Variants in RGS18 observed in about 807,000 individuals in gnomAD.
RGS18 encodes regulator of G protein signaling 18, also known as regulator of G-protein signaling 18.
A neutral mutation model predicts 27.6 loss-of-function variants in RGS18; 22 were observed. That is an observed-to-expected ratio of 0.80 (90% CI 0.57 to 1.14). The LOEUF is 1.14. Ranked by LOEUF, RGS18 falls within the 50% of genes most tolerant of loss-of-function variation. The pLI is 0.00. For synonymous variants in RGS18, 89 were observed against 84.6 expected (o/e 1.05, Z -0.29); for missense variants, 299 against 269.6 (o/e 1.11, Z -0.76).
At position 192,161,560 on chromosome 1, in the gene RGS18, CA is replaced by C. The variant is rs1490790763; in HGVS notation, c.283+1124del. On this transcript the variant is annotated intron_variant, in intron 3 of 4. Coordinates refer to ENST00000367460, the MANE Select transcript of RGS18 (RefSeq NM_130782.3). ...AAAAAAAGCAATGCTTTATCATTAC[CA>C]AACATCCACCTCAAGCCCACAGCTT... 10 of 151,952 alleles carry C rather than the reference CA, an allele frequency of 6.6e-5. 1 individual carries two copies. The highest frequency in any genetic ancestry group is 6.5e-4 in the Admixed American group (10 of 15,274). 9.4% of individuals were successfully genotyped at this position (151,952 alleles called of 1,614,324 possible). A position where few individuals can be genotyped will look rare whatever the true frequency, so the allele number is the denominator to read the frequency against.
At chr1:192,176,169 T>G (rs1656355075) in intron 3 of RGS18, among the ~76,000 whole-genome samples, 1 of 151,892 alleles carries the variant, frequency 6.6e-6, no homozygotes, top group Non-Finnish European at 1.5e-5. Flanking sequence ...GATGTTGCAT[T>G]GTCAGCACAT....
At chr1:192,180,965 C>T (rs1423181357) in intron 3 of RGS18, among the ~76,000 whole-genome samples, 1 of 151,584 alleles carries the variant, frequency 6.6e-6, no homozygotes, top group Non-Finnish European at 1.5e-5. Context: ...TGTGGAATCA[C>T]CCCTCACACT....
At chr1:192,170,492 C>A (rs1213751074) in intron 3 of RGS18, among the ~76,000 whole-genome samples, 1 of 151,994 alleles carries the variant, frequency 6.6e-6, no homozygotes, top group Non-Finnish European at 1.5e-5. Context: ...GAGGCCTCAT[C>A]AGAAGCAGAG....
chr1:192,160,926 C>T (rs1276480646), intron 3 of RGS18, among the ~76,000 whole-genome samples: 2 of 152,184 alleles, frequency 1.3e-5, no homozygotes, highest in Non-Finnish European at 2.9e-5. Context: ...CATCTCGGCT[C>T]ACTGCAAGCT....
Position 192,159,114 on chromosome 1 carries a change from A to G in RGS18, c.120-106A>G. On this transcript the variant is annotated intron_variant, in intron 1 of 4. Transcript: ENST00000367460. ...AAATGGGATTCATGAGTGTGTGGGT[A>G]TGGGTGGGCGTGGGTTTTTACCAAC... 6 of 688,432 alleles carry G rather than the reference A, an allele frequency of 8.7e-6. No homozygotes were observed. In the South Asian group the frequency reaches 1.0e-4, roughly 12 times the overall value. The allele number at this position is 688,432 out of a possible 1,614,324, so 42.6% of individuals were successfully genotyped here. A position where few individuals can be genotyped will look rare whatever the true frequency, so the allele number is the denominator to read the frequency against.
In RGS18 at chr1:192,167,541, T is replaced by A. The variant is rs184676726; in HGVS notation, c.283+7102T>A. On this transcript the variant is annotated intron_variant, in intron 3 of 4. Coordinates refer to ENST00000367460, the MANE Select transcript of RGS18 (RefSeq NM_130782.3). ...TTCAAGCGATTCTCCTGCCTCAGCC[T>A]CCCAAGTAGCTGGGATTTCAGAAGC... Among the ~76,000 whole-genome samples the A allele has an allele frequency of 1.5e-3, 223 of 152,116 alleles. 1 individual carries two copies. Among genetic ancestry groups the A allele is most frequent in the African/African-American group, 5.2e-3 (214 of 41,502 alleles).
Position 192,160,375 on chromosome 1 carries a change from C to A in RGS18, c.222-3C>A. On this transcript the variant is annotated splice_region_variant and splice_polypyrimidine_tract_variant and intron_variant, in intron 2 of 4. Coordinates refer to ENST00000367460, the MANE Select transcript of RGS18 (RefSeq NM_130782.3). ...ATTATAAAACATTTTGTTTCTTGTACAGAGTCTCCCCTGAAGAGGCAGTGA... is the reference window on the plus strand; with the variant it reads ...ATTATAAAACATTTTGTTTCTTGTAAAGAGTCTCCCCTGAAGAGGCAGTGA... 6.2e-7 allele frequency: 1 copy of A among 1,606,806 alleles called. No individual in the cohort carries two copies. Among genetic ancestry groups the A allele is most frequent in the Non-Finnish European group, 8.5e-7 (1 of 1,173,848 alleles).
At chr1:192,161,036 G>A (rs774871757) in intron 3 of RGS18, among the ~76,000 whole-genome samples, 4 of 152,100 alleles carry the variant, frequency 2.6e-5, no homozygotes, top group Non-Finnish European at 5.9e-5. Context: ...ATTTTTAGTA[G>A]AGACAGGGTT....
chr1:192,169,891 T>G (rs1656226932), intron 3 of RGS18: 1 of 152,200 alleles, frequency 6.6e-6, no homozygotes, highest in African/African-American at 2.4e-5. Flanking sequence ...GGACTGCTTT[T>G]TAGAGTTAAG....
At chr1:192,165,152 G>A (rs1159575252) in intron 3 of RGS18, among the ~76,000 whole-genome samples, 3 of 152,136 alleles carry the variant, frequency 2.0e-5, no homozygotes, top group Non-Finnish European at 4.4e-5. Flanking sequence ...TAAAATGGCC[G>A]CTCTGGGAGT....
At chr1:192,165,617 C>G (rs774124283) in intron 3 of RGS18, among the ~76,000 whole-genome samples, 1 of 152,162 alleles carries the variant, frequency 6.6e-6, no homozygotes, top group African/African-American at 2.4e-5. Context: ...CTGGCCGACA[C>G]TTAGGGAAAA....
rs948053258 is a variant in RGS18 at position 192,184,212 on chromosome 1, A to G, written c.451-85A>G. On this transcript the variant is annotated intron_variant, in intron 4 of 4. Coordinates refer to ENST00000367460, the MANE Select transcript of RGS18 (RefSeq NM_130782.3). ...CTTCTAAGCCCAAGATGCCCACTCCAACATTGCATCAGTCCTGTGCTGTTT... is the reference window on the plus strand; with the variant it reads ...CTTCTAAGCCCAAGATGCCCACTCCGACATTGCATCAGTCCTGTGCTGTTT... 23 of 1,280,810 alleles carry G rather than the reference A, an allele frequency of 1.8e-5. No homozygotes were observed. In the Admixed American group the frequency reaches 4.5e-4, roughly 25 times the overall value. 79.3% of individuals were successfully genotyped at this position (1,280,810 alleles called of 1,614,324 possible). A position where few individuals can be genotyped will look rare whatever the true frequency, so the allele number is the denominator to read the frequency against.
chr1:192,177,837 T>A (rs1376244039), intron 3 of RGS18, among the ~76,000 whole-genome samples: 1 of 151,712 alleles, frequency 6.6e-6, no homozygotes, highest in Non-Finnish European at 1.5e-5. Context: ...GGAGCTTAAA[T>A]CAGTGTAAAA....
At chr1:192,176,357 T>C (rs916457785) in intron 3 of RGS18, among the ~76,000 whole-genome samples, 4 of 151,810 alleles carry the variant, frequency 2.6e-5, no homozygotes. Context: ...TCAGCAAGAC[T>C]TCTTACTATG....
chr1:192,170,036 A>C (rs1374843181), intron 3 of RGS18, among the ~76,000 whole-genome samples: 6 of 152,320 alleles, frequency 3.9e-5, no homozygotes, highest in African/African-American at 1.4e-4. Flanking sequence ...TCTCAAGAAT[A>C]ATTTGTTTTA....
chr1:192,165,949 TA>T (rs1195377783), intron 3 of RGS18, among the ~76,000 whole-genome samples: 1 of 152,200 alleles, frequency 6.6e-6, no homozygotes, highest in African/African-American at 2.4e-5. Flanking sequence ...TATTTAAATT[TA>T]AAAAGTAGTA....
chr1:192,183,730 G>A (rs1352155597), intron 4 of RGS18, among the ~76,000 whole-genome samples: 1 of 151,596 alleles, frequency 6.6e-6, no homozygotes, highest in Non-Finnish European at 1.5e-5. Context: ...GAAACGTGGT[G>A]TACCTATAGA....
At chr1:192,183,528 A>G (rs1414983464) in intron 4 of RGS18, among the ~76,000 whole-genome samples, 1 of 151,580 alleles carries the variant, frequency 6.6e-6, no homozygotes, top group Non-Finnish European at 1.5e-5. Context: ...ATTATTCTAA[A>G]TTCATAGAGA....
chr1:192,160,575 C>G, intron 3 of RGS18, 136 bp downstream of exon 3: 1 of 572,450 alleles, frequency 1.7e-6, no homozygotes. Context: ...TTCTGATCAA[C>G]AGAACTAAGT....
Sources: gnomAD v4.1 joint callset for allele counts (sites outside exome capture counted in the v4.1 genomes callset) on GRCh38, gnomAD v4.1.1 for gene constraint, MANE v1.5 for transcripts, NCBI Gene and HGNC (gene_info 2026-07-23, HGNC 2026-07-21) for gene names.